SOX5: variants seen among roughly 807,000 people sequenced by gnomAD.
The protein encoded by SOX5 is SRY-box transcription factor 5.
A neutral mutation model predicts 92.0 loss-of-function variants in SOX5; 9 were observed. That is an observed-to-expected ratio of 0.10 (90% CI 0.06 to 0.17). The LOEUF is 0.17. SOX5 is among the 10% of genes least tolerant of loss of function. The pLI is 1.00. For synonymous variants in SOX5, 344 were observed against 336.3 expected (o/e 1.02, Z -0.25); for missense variants, 642 against 944.5 (o/e 0.68, Z 4.20).
At chr12:24,002,183 A>C (rs771663344) in intron 4 of SOX5, among the ~76,000 whole-genome samples, 1 of 152,122 alleles carries the variant, frequency 6.6e-6, no homozygotes, top group Non-Finnish European at 1.5e-5. Flanking sequence ...AGCAAGAAGA[A>C]GGCAGGAAAT....
At chr12:23,825,069 T>C (rs1568090176) in intron 3 of SOX5, among the ~76,000 whole-genome samples, 1 of 152,088 alleles carries the variant, frequency 6.6e-6, no homozygotes. Context: ...CTCGGCTCCC[T>C]AGCTTCAGCC....
intron 6 of SOX5, among the ~76,000 whole-genome samples, chr12:23,729,034 T>C (rs1382192018): frequency 6.9e-6 from 1 of 144,340 alleles, no homozygotes; most frequent in African/African-American, 2.5e-5. Flanking sequence ...AAGTATATTC[T>C]TTTTTTTTTT....
At chr12:23,924,674 AG>A (rs2138975875) in intron 1 of SOX5, among the ~76,000 whole-genome samples, 1 of 152,240 alleles carries the variant, frequency 6.6e-6, no homozygotes, top group African/African-American at 2.4e-5. Flanking sequence ...TTTAAAGGAA[AG>A]GAATTTTGAA....
At chr12:24,373,562 G>T (rs1956954253) in intron 1 of SOX5, among the ~76,000 whole-genome samples, 1 of 152,048 alleles carries the variant, frequency 6.6e-6, no homozygotes, top group African/African-American at 2.4e-5. Flanking sequence ...TTTTAAAATT[G>T]ATATTATTTT....
upstream of SOX5, chr12:23,950,995 A>ACACACACACACG (rs1277772244): frequency 5.1e-6 from 4 of 786,982 alleles, no homozygotes; most frequent in Non-Finnish European, 8.5e-6. Flanking sequence ...ACACACACAC[A>ACACACACACACG]CACACACACT....
At chr12:23,911,952 G>C (rs2097356944) in intron 1 of SOX5, among the ~76,000 whole-genome samples, 1 of 152,012 alleles carries the variant, frequency 6.6e-6, no homozygotes, top group South Asian at 2.1e-4. Context: ...AGATACATTG[G>C]ACTTCATTAA....
At chr12:23,998,073 CAG>C (rs1951207870) in intron 4 of SOX5, among the ~76,000 whole-genome samples, 1 of 151,938 alleles carries the variant, frequency 6.6e-6, no homozygotes, top group Non-Finnish European at 1.5e-5. Flanking sequence ...GACCCAAACA[CAG>C]GGGAAAAATA....
intron 1 of SOX5, among the ~76,000 whole-genome samples, chr12:24,399,504 G>A (rs1344074690): frequency 1.3e-5 from 2 of 152,112 alleles, no homozygotes; most frequent in African/African-American, 4.8e-5. Context: ...TTCTGTTCTT[G>A]GAATTATAAA....
chr12:23,762,271 G>A (rs2094581158), intron 3 of SOX5, among the ~76,000 whole-genome samples: 1 of 152,066 alleles, frequency 6.6e-6, no homozygotes, highest in South Asian at 2.1e-4. Context: ...ACAGTGGTGG[G>A]CCTATAGTCC....
chr12:24,482,359 C>A (rs1946082235), intron 1 of SOX5, among the ~76,000 whole-genome samples: 1 of 152,138 alleles, frequency 6.6e-6, no homozygotes, highest in Non-Finnish European at 1.5e-5. Context: ...GGACATCTTT[C>A]ATTTGGCAAT....
chr12:23,895,562 TGTAA>T (rs766397771), intron 2 of SOX5, among the ~76,000 whole-genome samples: 2 of 152,196 alleles, frequency 1.3e-5, no homozygotes, highest in Non-Finnish European at 2.9e-5. Flanking sequence ...CTAATTAAAT[TGTAA>T]GTGTCTCAAA....
intron 4 of SOX5, among the ~76,000 whole-genome samples, chr12:24,130,711 G>A (rs551932460): frequency 1.5e-4 from 23 of 152,254 alleles, no homozygotes; most frequent in African/African-American, 5.1e-4. Context: ...GGAATTCACA[G>A]AGCTGACCAT....
At chr12:24,434,505 CTG>C (rs1314018188) in intron 1 of SOX5, among the ~76,000 whole-genome samples, 3 of 152,080 alleles carry the variant, frequency 2.0e-5, no homozygotes, top group Non-Finnish European at 4.4e-5. Flanking sequence ...AAGTTTTAGT[CTG>C]TGATATGATT....
At chr12:23,647,598 G>C (rs142901800) in intron 7 of SOX5, among the ~76,000 whole-genome samples, 1 of 152,146 alleles carries the variant, frequency 6.6e-6, no homozygotes, top group African/African-American at 2.4e-5. Flanking sequence ...AGCCACTTTT[G>C]CATCAATGAC....
At chr12:24,451,789 A>G (rs1272955852) in intron 1 of SOX5, among the ~76,000 whole-genome samples, 2 of 152,234 alleles carry the variant, frequency 1.3e-5, no homozygotes, top group Non-Finnish European at 2.9e-5. Flanking sequence ...GGAGTTGAAT[A>G]TGACTACTGC....
At chr12:24,000,666 A>G (rs188084266) in intron 4 of SOX5, among the ~76,000 whole-genome samples, 186 of 152,286 alleles carry the variant, frequency 1.2e-3, no homozygotes, top group Non-Finnish European at 1.8e-3. Flanking sequence ...GATACATAGA[A>G]AACAAATGGA....
At chr12:23,924,177 A>G (rs1203808114) in intron 1 of SOX5, among the ~76,000 whole-genome samples, 1 of 152,252 alleles carries the variant, frequency 6.6e-6, no homozygotes, top group Non-Finnish European at 1.5e-5. Context: ...TTAAAAATTT[A>G]TGAATGTTAT....
intron 1 of SOX5, among the ~76,000 whole-genome samples, chr12:23,914,673 CATT>C (rs1403875204): frequency 1.3e-5 from 2 of 152,056 alleles, no homozygotes; most frequent in East Asian, 3.8e-4. Flanking sequence ...TTACTAGTCT[CATT>C]ATTAATTAAA....
At chr12:23,850,473 TAAAA>T (rs143417316) in intron 2 of SOX5, among the ~76,000 whole-genome samples, 2 of 144,942 alleles carry the variant, frequency 1.4e-5, no homozygotes, top group Admixed American at 6.9e-5. Context: ...AAATAAAAAA[TAAAA>T]AAAAAATCAC....
Sources: gnomAD v4.1 joint callset for allele counts (sites outside exome capture counted in the v4.1 genomes callset) on GRCh38, gnomAD v4.1.1 for gene constraint, MANE v1.5 for transcripts, NCBI Gene and HGNC (gene_info 2026-07-23, HGNC 2026-07-21) for gene names.